SIN3A: variants seen among roughly 807,000 people sequenced by gnomAD.
The protein encoded by SIN3A is SIN3 transcription regulator family member A, also known as paired amphipathic helix protein Sin3a.
SIN3A carries 14 observed loss-of-function variants against 146.1 expected under a neutral mutation model. That is an observed-to-expected ratio of 0.10 (90% CI 0.06 to 0.15). SIN3A has a LOEUF of 0.15. Among genes scored for constraint, SIN3A ranks in the 10% least tolerant of loss-of-function variants. SIN3A has a pLI of 1.00. For missense variants in SIN3A, 1,028 were observed against 1,576.0 expected (o/e 0.65, Z 5.89); for synonymous variants, 572 against 572.0 (o/e 1.00, Z 0.00).
intron 3 of SIN3A, chr15:75,419,890 C>T (rs779142169): frequency 1.3e-4 from 20 of 152,030 alleles, no homozygotes; most frequent in Non-Finnish European, 7.4e-5. Context: ...CTGCATGACA[C>T]TCACATAATA....
At chr15:75,434,943 C>T (rs770690999) in intron 1 of SIN3A, among the ~76,000 whole-genome samples, 12 of 150,476 alleles carry the variant, frequency 8.0e-5, no homozygotes, top group African/African-American at 2.2e-4. Context: ...AGCAAAACTC[C>T]GCCTCAAGAA....
At chr15:75,375,349 G>A (rs986248863) in intron 20 of SIN3A, among the ~76,000 whole-genome samples, 1 of 152,156 alleles carries the variant, frequency 6.6e-6, no homozygotes, top group Non-Finnish European at 1.5e-5. Context: ...GCCCAGGAAT[G>A]CCAAAGATTG....
At chr15:75,403,053 CTG>C (rs2073440530) in intron 9 of SIN3A, among the ~76,000 whole-genome samples, 1 of 152,188 alleles carries the variant, frequency 6.6e-6, no homozygotes, top group South Asian at 2.1e-4. Flanking sequence ...AAACAAGTAA[CTG>C]GCTAGAATTG....
At position 75,411,420 on chromosome 15, in the gene SIN3A, G is replaced by A. The variant is rs575859839; in HGVS notation, c.1008+72C>T. The A allele has an allele frequency of 1.1e-5, 16 of 1,417,766 alleles. No homozygotes were observed. The South Asian group carries it at 1.7e-4, about 15-fold the overall frequency. 87.8% of individuals were successfully genotyped at this position (1,417,766 alleles called of 1,614,324 possible). A position where few individuals can be genotyped will look rare whatever the true frequency, so the allele number is the denominator to read the frequency against. On this transcript the variant is annotated intron_variant, in intron 6 of 20. Coordinates refer to ENST00000394947, the MANE Select transcript of SIN3A (RefSeq NM_001145358.2). ...AGTATGAATTAATGGACACAATAAT[G>A]GTTACTTGTTATTGGACTAGATGCC...
Position 75,410,439 on chromosome 15 carries a change from T to A in SIN3A, c.1009-153A>T, listed in dbSNP as rs552980958. ...CCGTTCTGACCACAGACTTTCAAGTTGAGAAAAAAAAAAAGTTGAAGATGG... is the reference window on the plus strand; with the variant it reads ...CCGTTCTGACCACAGACTTTCAAGTAGAGAAAAAAAAAAAGTTGAAGATGG... On this transcript the variant is annotated intron_variant, in intron 6 of 20. Coordinates refer to ENST00000394947, the MANE Select transcript of SIN3A (RefSeq NM_001145358.2). 3.8e-4 allele frequency among the ~76,000 whole-genome samples: 58 copies of A among 151,292 alleles called. 1 individual carries two copies. The highest frequency in any genetic ancestry group is 1.4e-3 in the African/African-American group (56 of 41,264).
At chr15:75,392,207 C>T (rs778226203) in intron 15 of SIN3A, 35 bp downstream of exon 15, 17 of 1,590,920 alleles carry the variant, frequency 1.1e-5, no homozygotes, top group Non-Finnish European at 1.5e-5. Flanking sequence ...CTCAACCTCA[C>T]ACATCCTCTG....
rs1259981743 is a variant in SIN3A, at chr15:75,371,968, T to C, written c.*11A>G. On this transcript the variant is annotated 3_prime_UTR_variant, in exon 21 of 21. Transcript: ENST00000394947. ...CACACACACCCCAAGTTATCTGCTC[T>C]GGCTTTGCAGTTAAGGGGCTTTGAA... 6.2e-7 allele frequency: 1 copy of C among 1,611,680 alleles called. No homozygotes were observed. The highest frequency in any genetic ancestry group is 1.7e-5 in the Admixed American group (1 of 60,022).
chr15:75,432,634 G>C (rs1380481906), intron 1 of SIN3A, among the ~76,000 whole-genome samples: 2 of 149,688 alleles, frequency 1.3e-5, no homozygotes, highest in Admixed American at 1.3e-4. Flanking sequence ...TTGCATGAGG[G>C]GAGGTCCCAC....
intron 18 of SIN3A, 30 bp from the exon 19 acceptor site, chr15:75,380,753 A>T: frequency 6.5e-7 from 1 of 1,543,482 alleles, no homozygotes; most frequent in Non-Finnish European, 9.0e-7. Context: ...ATACAGGTGG[A>T]AGGAAATCAC....
chr15:75,422,253 T>TA (rs2073852284), intron 3 of SIN3A: 1 of 325,250 alleles, frequency 3.1e-6, no homozygotes, highest in African/African-American at 2.1e-5. Flanking sequence ...TTTAAGAATT[T>TA]AAAAAGATTG....
At position 75,394,674 on chromosome 15, in the gene SIN3A, G is replaced by C; in HGVS notation, c.2277+6C>G. 6.2e-7 allele frequency: 1 copy of C among 1,601,404 alleles called. No homozygotes were observed. Among genetic ancestry groups the C allele is most frequent in the African/African-American group, 1.3e-5 (1 of 74,344 alleles). On this transcript the variant is annotated splice_donor_region_variant and intron_variant, in intron 14 of 20. Coordinates refer to ENST00000394947, the MANE Select transcript of SIN3A (RefSeq NM_001145358.2). ...CCTCTCACAGATGCAGAAACCCCCC[G>C]CTCACCTCATCATAGATACTCTCAA...
In SIN3A at chr15:75,435,221, C is replaced by A. The variant is rs1436458251; in HGVS notation, c.-33-4813G>T. 2.6e-5 allele frequency among the ~76,000 whole-genome samples: 4 copies of A among 151,856 alleles called. No homozygotes were observed. In the East Asian group the frequency reaches 7.7e-4, roughly 29 times the overall value. On this transcript the variant is annotated intron_variant, in intron 1 of 20. Coordinates refer to ENST00000394947, the MANE Select transcript of SIN3A (RefSeq NM_001145358.2). ...TTTTGGAATACTGAAACTATCAATT[C>A]CACTTTCAGGCCTGTATCCTACACA... is the stretch of plus-strand genomic sequence containing the variant.
intron 16 of SIN3A, among the ~76,000 whole-genome samples, chr15:75,386,939 G>A (rs1450790845): frequency 6.6e-5 from 10 of 152,134 alleles, no homozygotes; most frequent in Non-Finnish European, 1.5e-4. Flanking sequence ...CTGAGTAGCT[G>A]GGACTACAGG....
chr15:75,380,557 G>T (rs1349817682), intron 19 of SIN3A, 72 bp downstream of exon 19: 4 of 1,146,936 alleles, frequency 3.5e-6, no homozygotes, highest in African/African-American at 1.5e-5. Flanking sequence ...CCAAGAACGT[G>T]AAAGTCATTT....
At chr15:75,446,249 G>A (rs1276509046) in intron 1 of SIN3A, 1 of 151,592 alleles carries the variant, frequency 6.6e-6, no homozygotes, top group Non-Finnish European at 1.5e-5. Flanking sequence ...GGTAACTTCT[G>A]AGTAAAGGAA....
Position 75,414,213 on chromosome 15 carries a change from T to C in SIN3A, c.465A>G (p.Lys155=). ...AATCACACATCTTTTACCTCTGAGATTTAAATTCCTTCATGATGTCAAGGA... is the reference window on the plus strand; with the variant it reads ...AATCACACATCTTTTACCTCTGAGACTTAAATTCCTTCATGATGTCAAGGA... ...NDFLDIMKEF[K]SQSIDTPGVI... Residue 155 remains lysine (K), a synonymous_variant, in exon 4 of 21, where the codon AAA becomes AAG. Transcript: ENST00000394947. The C allele has an allele frequency of 6.6e-7, 1 of 1,508,732 alleles. No homozygotes were observed. Among genetic ancestry groups the C allele is most frequent in the Non-Finnish European group, 9.0e-7 (1 of 1,109,102 alleles). 93.5% of individuals were successfully genotyped at this position (1,508,732 alleles called of 1,614,324 possible). A position where few individuals can be genotyped will look rare whatever the true frequency, so the allele number is the denominator to read the frequency against.
intron 6 of SIN3A, among the ~76,000 whole-genome samples, chr15:75,411,282 C>A (rs953634121): frequency 1.3e-5 from 2 of 152,116 alleles, no homozygotes; most frequent in Non-Finnish European, 2.9e-5. Context: ...GAGCTGAGAT[C>A]GTGCCACTAC....
intron 1 of SIN3A, among the ~76,000 whole-genome samples, chr15:75,433,348 G>A (rs1408050465): frequency 6.6e-6 from 1 of 152,144 alleles, no homozygotes; most frequent in African/African-American, 2.4e-5. Flanking sequence ...GAAGATTGTA[G>A]TGAGCTTTTC....
chr15:75,436,150 AAAC>A (rs1310114015), intron 1 of SIN3A, among the ~76,000 whole-genome samples: 1 of 151,830 alleles, frequency 6.6e-6, no homozygotes, highest in Non-Finnish European at 1.5e-5. Flanking sequence ...AAAACAAAAA[AAAC>A]AAAAAAGAAA....
Sources: allele counts gnomAD v4.1 joint callset (sites outside exome capture counted in the v4.1 genomes callset), GRCh38; gene constraint gnomAD v4.1.1; transcripts MANE v1.5; gene names NCBI Gene and HGNC (gene_info 2026-07-23, HGNC 2026-07-21).